Variants in STK33 observed in about 807,000 individuals in gnomAD.
The protein encoded by STK33 is serine/threonine kinase 33, also known as serine/threonine-protein kinase 33.
STK33 carries 52 observed loss-of-function variants against 58.0 expected under a neutral mutation model. The observed-to-expected ratio is 0.90, with a 90% confidence interval of 0.72 to 1.13. The LOEUF is 1.13. STK33 is among the 50% of genes most tolerant of loss of function. STK33 has a pLI of 0.00. For synonymous variants in STK33, 215 were observed against 200.1 expected (o/e 1.07, Z -0.63); for missense variants, 630 against 604.2 (o/e 1.04, Z -0.45).
chr11:8,508,546 T>C (rs1483027945), intron 1 of STK33, among the ~76,000 whole-genome samples: 1 of 152,138 alleles, frequency 6.6e-6, no homozygotes. Context: ...CATTGGATTA[T>C]AGGCATGAGC....
At chr11:8,461,728 G>A in intron 8 of STK33, 77 bp downstream of exon 8, 4 of 1,179,006 alleles carry the variant, frequency 3.4e-6, no homozygotes, top group Non-Finnish European at 4.7e-6. Context: ...TGCCCCAAAG[G>A]GATTATTTCA....
chr11:8,582,197 A>G lies in STK33; in HGVS notation c.-466+11886T>C, dbSNP rs568978793. On this transcript the variant is annotated intron_variant, in intron 1 of 15. Coordinates refer to ENST00000687296, the MANE Select transcript of STK33 (RefSeq NM_001352389.2). Reference sequence around the variant, plus strand: ...CAGAGCTGTATTTTTAAAAAAATCAATTTGATAAACAAAAAAACATTTTCT... The same window carrying G: ...CAGAGCTGTATTTTTAAAAAAATCAGTTTGATAAACAAAAAAACATTTTCT... Among the ~76,000 whole-genome samples the G allele has an allele frequency of 2.6e-5, 4 of 152,346 alleles. No homozygotes were observed. In the South Asian group the frequency reaches 8.3e-4, roughly 32 times the overall value.
chr11:8,359,510 C>T, the STK33 span, among the ~76,000 whole-genome samples: 1 of 152,160 alleles, frequency 6.6e-6, no homozygotes, highest in South Asian at 2.1e-4. Context: ...AAACAGAAGC[C>T]CAGACCCCAT....
Position 8,474,674 on chromosome 11 carries a change from T to G in STK33, c.225+7A>C. 6.3e-7 allele frequency: 1 copy of G among 1,593,656 alleles called. No individual in the cohort carries two copies. The highest frequency in any genetic ancestry group is 8.5e-7 in the Non-Finnish European group (1 of 1,169,944). On this transcript the variant is annotated splice_region_variant and intron_variant, in intron 5 of 15. Coordinates refer to ENST00000687296, the MANE Select transcript of STK33 (RefSeq NM_001352389.2). The stretch of plus-strand genomic sequence containing the variant: ...TTGTGCTTAGATGTGGAATCTTTGA[T>G]ATTTACCAAATCTTTCCTGGAGGTT...
At position 8,491,174 on chromosome 11, in the gene STK33, G is replaced by A. The variant is rs549443245; in HGVS notation, c.-465-10560C>T. ...CTAAATGAGGATGTTTGAACCTATC[G>A]CAAGGAAGCTAAAAACCTTGAAAAA... On this transcript the variant is annotated intron_variant, in intron 1 of 15. Coordinates refer to ENST00000687296, the MANE Select transcript of STK33 (RefSeq NM_001352389.2). Among the ~76,000 whole-genome samples the A allele has an allele frequency of 4.6e-5, 7 of 152,230 alleles. No individual in the cohort carries two copies. The East Asian group carries it at 5.8e-4, about 13-fold the overall frequency.
At chr11:8,542,196 C>A (rs192521854) in intron 1 of STK33, among the ~76,000 whole-genome samples, 1 of 152,262 alleles carries the variant, frequency 6.6e-6, no homozygotes, top group East Asian at 1.9e-4. Context: ...ATTAAATCAA[C>A]TATTAGTTTT....
At chr11:8,341,573 T>C in the STK33 span, among the ~76,000 whole-genome samples, 13 of 152,326 alleles carry the variant, frequency 8.5e-5, no homozygotes, top group South Asian at 1.0e-3. Flanking sequence ...TACTCCTACC[T>C]AGAAACAAGC....
the STK33 span, among the ~76,000 whole-genome samples, chr11:8,365,211 C>T: frequency 6.6e-6 from 1 of 152,224 alleles, no homozygotes; most frequent in Admixed American, 6.5e-5. Flanking sequence ...CCTTGAGGTG[C>T]AGTTGCTCCC....
At chr11:8,481,801 A>G (rs1238935857) in intron 1 of STK33, among the ~76,000 whole-genome samples, 1 of 152,224 alleles carries the variant, frequency 6.6e-6, no homozygotes, top group Non-Finnish European at 1.5e-5. Flanking sequence ...AGAAGGATAT[A>G]AACACATAAG....
intron 1 of STK33, among the ~76,000 whole-genome samples, chr11:8,590,548 A>G (rs1199342400): frequency 6.6e-6 from 1 of 152,196 alleles, no homozygotes; most frequent in Non-Finnish European, 1.5e-5. Flanking sequence ...AATGGTTAAG[A>G]AAGATAATTA....
chr11:8,440,655 T>C (rs1035257921), intron 12 of STK33, 23 bp downstream of exon 12: 5 of 1,545,742 alleles, frequency 3.2e-6, no homozygotes, highest in African/African-American at 1.4e-5. Context: ...CATCTTAAAG[T>C]GTACATTTAG....
chr11:8,507,302 C>T (rs138052795), intron 1 of STK33, among the ~76,000 whole-genome samples: 28 of 152,286 alleles, frequency 1.8e-4, no homozygotes, highest in Admixed American at 7.8e-4. Flanking sequence ...TGGCCACTTA[C>T]TAAGCCTGTG....
chr11:8,419,132 C>T (rs1170147918), intron 14 of STK33, among the ~76,000 whole-genome samples: 2 of 152,024 alleles, frequency 1.3e-5, no homozygotes, highest in African/African-American at 4.8e-5. Flanking sequence ...TTGCTTTTGG[C>T]GTCTTCCTCA....
the STK33 span, among the ~76,000 whole-genome samples, chr11:8,379,824 T>G: frequency 1.3e-5 from 2 of 151,970 alleles, no homozygotes; most frequent in Non-Finnish European, 2.9e-5. Context: ...CCCCTCTTTG[T>G]GCTATCCATA....
At chr11:8,353,033 G>A in the STK33 span, among the ~76,000 whole-genome samples, 29 of 152,208 alleles carry the variant, frequency 1.9e-4, no homozygotes, top group Non-Finnish European at 4.0e-4. Flanking sequence ...ATGGACCAGC[G>A]GCTTGAGGTC....
downstream of STK33, among the ~76,000 whole-genome samples, chr11:8,391,707 G>A (rs768766188): frequency 8.5e-5 from 13 of 152,232 alleles, no homozygotes; most frequent in Non-Finnish European, 1.8e-4. Context: ...GAAAGGAGAT[G>A]TCTATAAAGC....
intron 14 of STK33, among the ~76,000 whole-genome samples, chr11:8,417,964 A>G (rs1318792376): frequency 6.6e-6 from 1 of 152,210 alleles, no homozygotes; most frequent in Non-Finnish European, 1.5e-5. Flanking sequence ...GTATGCAAAC[A>G]CATATTTACA....
intron 1 of STK33, among the ~76,000 whole-genome samples, chr11:8,492,357 T>C (rs1950691294): frequency 1.3e-5 from 2 of 152,048 alleles, no homozygotes; most frequent in African/African-American, 4.8e-5. Flanking sequence ...AGAAGGCCAC[T>C]ACATAATGGT....
intron 11 of STK33, 66 bp downstream of exon 11, chr11:8,452,756 C>G (rs890525452): frequency 1.4e-6 from 2 of 1,454,976 alleles, no homozygotes; most frequent in African/African-American, 2.8e-5. Context: ...CCACTGCACT[C>G]CAGCCTGGGC....
Sources: allele counts gnomAD v4.1 joint callset (sites outside exome capture counted in the v4.1 genomes callset), GRCh38; gene constraint gnomAD v4.1.1; transcripts MANE v1.5; gene names NCBI Gene and HGNC (gene_info 2026-07-23, HGNC 2026-07-21).